NRXN3: variants seen among roughly 807,000 people sequenced by gnomAD.
The protein encoded by NRXN3 is neurexin III.
A neutral mutation model predicts 137.6 loss-of-function variants in NRXN3; 32 were observed. That is an observed-to-expected ratio of 0.23 (90% CI 0.18 to 0.31). The LOEUF (loss-of-function observed/expected upper bound fraction) is 0.31, where lower values mean the gene tolerates loss of function less well. Among genes scored for constraint, NRXN3 ranks in the 10% least tolerant of loss-of-function variants. The pLI is 1.00. For missense variants in NRXN3, 1,574 were observed against 2,062.5 expected, an observed-to-expected ratio of 0.76 and a Z score of 4.59; for synonymous variants, 798 against 784.5, an observed-to-expected ratio of 1.02 and a Z score of -0.29.
chr14:79,726,087 G>A (rs548582859), intron 19 of NRXN3, among the ~76,000 whole-genome samples: 9 of 152,078 alleles, frequency 5.9e-5, no homozygotes, highest in Non-Finnish European at 1.2e-4. Context: ...CAGTATTTGT[G>A]CCAATCTCTT....
chr14:79,731,375 GA>G (rs2154071802), intron 19 of NRXN3, among the ~76,000 whole-genome samples: 1 of 152,252 alleles, frequency 6.6e-6, no homozygotes, highest in East Asian at 1.9e-4. Context: ...TTATTTAAAA[GA>G]TTTCACAGGA....
At chr14:79,092,647 C>T (rs1335194980) in intron 15 of NRXN3, among the ~76,000 whole-genome samples, 1 of 152,204 alleles carries the variant, frequency 6.6e-6, no homozygotes, top group African/African-American at 2.4e-5. Context: ...GCTGAAGCTT[C>T]TTTCTCAATA....
intron 2 of NRXN3, among the ~76,000 whole-genome samples, chr14:78,250,379 G>A (rs2068418750): frequency 6.6e-6 from 1 of 152,194 alleles, no homozygotes; most frequent in Non-Finnish European, 1.5e-5. Flanking sequence ...AGAACAAACT[G>A]CACATCAATT....
chr14:78,870,054 A>G (rs1049311379), intron 10 of NRXN3, among the ~76,000 whole-genome samples: 1 of 152,228 alleles, frequency 6.6e-6, no homozygotes, highest in African/African-American at 2.4e-5. Flanking sequence ...GTGATCAGGT[A>G]TCACCTGGGA....
At position 78,988,121 on chromosome 14, in the gene NRXN3, C is replaced by G. The variant is rs1264129006; in HGVS notation, c.3242C>G (p.Ser1081Cys). Residue 1081 changes from serine to cysteine, a missense_variant, in exon 15 of 21, where the codon TCT becomes TGT. Coordinates refer to ENST00000335750, the MANE Select transcript of NRXN3 (RefSeq NM_001330195.2). Reference protein sequence around the residue: ...FTCDCSMTSYSGNQCNDPGAT... With the variant: ...FTCDCSMTSYCGNQCNDPGAT... ...TGTGATTGTTCTATGACCTCTTATT[C>G]TGGAAACCAGTGCAATGATCGTAAG... The G allele has an allele frequency of 6.2e-7, 1 of 1,613,860 alleles. No homozygotes were observed. The highest frequency in any genetic ancestry group is 1.1e-5 in the South Asian group (1 of 91,070).
chr14:79,727,631 C>G (rs957578844), intron 19 of NRXN3, among the ~76,000 whole-genome samples: 1 of 152,096 alleles, frequency 6.6e-6, no homozygotes, highest in Non-Finnish European at 1.5e-5. Context: ...CCAGCCTAAA[C>G]TTTGAGGCAA....
chr14:79,242,519 G>A (rs1045662649), intron 15 of NRXN3, among the ~76,000 whole-genome samples: 3 of 152,162 alleles, frequency 2.0e-5, no homozygotes, highest in African/African-American at 7.2e-5. Context: ...GGTTCCATTA[G>A]TAGGTTTACT....
chr14:78,979,140 C>T (rs1329353677), intron 14 of NRXN3, among the ~76,000 whole-genome samples: 1 of 152,048 alleles, frequency 6.6e-6, no homozygotes, highest in Non-Finnish European at 1.5e-5. Context: ...ATTCTCTTCA[C>T]CAGTTAAAAT....
chr14:79,393,051 T>G (rs1241999337), intron 15 of NRXN3, among the ~76,000 whole-genome samples: 1 of 151,436 alleles, frequency 6.6e-6, no homozygotes, highest in Non-Finnish European at 1.5e-5. Flanking sequence ...TTTATACTGT[T>G]GGTGGGAGTG....
chr14:79,185,198 C>A (rs2063382059), intron 15 of NRXN3, among the ~76,000 whole-genome samples: 1 of 152,096 alleles, frequency 6.6e-6, no homozygotes, highest in South Asian at 2.1e-4. Flanking sequence ...AGCAGAAACA[C>A]TAATACCCAG....
intron 4 of NRXN3, among the ~76,000 whole-genome samples, chr14:78,584,996 G>A (rs976567018): frequency 1.3e-5 from 2 of 152,150 alleles, no homozygotes; most frequent in African/African-American, 4.8e-5. Flanking sequence ...ATTTCCAGCA[G>A]TGAGCCAAAC....
chr14:78,526,086 A>T (rs1286576010), intron 4 of NRXN3, among the ~76,000 whole-genome samples: 1 of 152,202 alleles, frequency 6.6e-6, no homozygotes, highest in African/African-American at 2.4e-5. Flanking sequence ...TGGCCAGAGA[A>T]TGAAAGCCAT....
chr14:79,741,891 A>G (rs1301922251), intron 19 of NRXN3, among the ~76,000 whole-genome samples: 2 of 152,210 alleles, frequency 1.3e-5, no homozygotes, highest in Non-Finnish European at 2.9e-5. Flanking sequence ...ATACACAGAC[A>G]TATACACACA....
intron 10 of NRXN3, among the ~76,000 whole-genome samples, chr14:78,950,052 A>G (rs919403669): frequency 6.6e-6 from 1 of 152,220 alleles, no homozygotes; most frequent in African/African-American, 2.4e-5. Context: ...CAAAAGCACT[A>G]TAATACCTAA....
At chr14:78,495,136 TGC>T (rs1458048775) in intron 4 of NRXN3, among the ~76,000 whole-genome samples, 13 of 20,156 alleles carry the variant, frequency 6.4e-4, no homozygotes, top group South Asian at 2.3e-3. Context: ...TGTGTGTGCG[TGC>T]GTGTGTGTGT....
At chr14:79,191,094 C>G (rs1177186935) in intron 15 of NRXN3, among the ~76,000 whole-genome samples, 2 of 152,194 alleles carry the variant, frequency 1.3e-5, no homozygotes, top group Non-Finnish European at 2.9e-5. Context: ...CTTTTGCGGT[C>G]TTTGGATGAA....
intron 4 of NRXN3, among the ~76,000 whole-genome samples, chr14:78,375,362 G>A (rs2087629388): frequency 6.6e-6 from 1 of 152,156 alleles, no homozygotes; most frequent in Non-Finnish European, 1.5e-5. Context: ...TTTTGAGAGA[G>A]CCATCGTCTC....
At chr14:79,035,205 G>A (rs922157783) in intron 15 of NRXN3, among the ~76,000 whole-genome samples, 1 of 152,044 alleles carries the variant, frequency 6.6e-6, no homozygotes, top group Admixed American at 6.6e-5. Context: ...AATGCCAGCA[G>A]GCAAGATAAA....
intron 15 of NRXN3, among the ~76,000 whole-genome samples, chr14:79,224,877 C>T (rs2070532332): frequency 6.6e-6 from 1 of 152,184 alleles, no homozygotes; most frequent in Non-Finnish European, 1.5e-5. Context: ...AGCTAGAAGA[C>T]TATGGCCATG....
Sources: allele counts gnomAD v4.1 joint callset (sites outside exome capture counted in the v4.1 genomes callset), GRCh38; gene constraint gnomAD v4.1.1; transcripts MANE v1.5; gene names NCBI Gene and HGNC (gene_info 2026-07-23, HGNC 2026-07-21).